Variants in PKP1 observed in about 807,000 individuals in gnomAD.
The protein encoded by PKP1 is plakophilin 1, also known as plakophilin-1.
PKP1 carries 27 observed loss-of-function variants against 76.4 expected under a neutral mutation model. The ratio of observed to expected loss-of-function variants is 0.35; its 90% CI spans 0.26 to 0.49. The LOEUF is 0.49. Ranked by LOEUF, PKP1 falls within the 20% of genes least tolerant of loss-of-function variation. PKP1 has a pLI of 0.99. For missense variants in PKP1, 964 were observed against 955.2 expected (o/e 1.01, Z -0.12); for synonymous variants, 404 against 384.2 (o/e 1.05, Z -0.60).
Position 201,332,680 on chromosome 1 carries a change from G to T in PKP1, c.*2639G>T, listed in dbSNP as rs906047941. 6.6e-6 allele frequency: 1 copy of T among 152,234 alleles called. No individual in the cohort carries two copies. The highest frequency in any genetic ancestry group is 2.4e-5 in the African/African-American group (1 of 41,436). 9.4% of individuals were successfully genotyped at this position (152,234 alleles called of 1,614,324 possible). On this transcript the variant is annotated 3_prime_UTR_variant, in exon 14 of 14. Transcript: ENST00000367324. ...GGCCACCAGCCACCTCTGCAGTGGG[G>T]ACCACACTAGCAGCCCTGACTCCAC...
At chr1:201,284,884 C>T (rs1655683979) in intron 1 of PKP1, among the ~76,000 whole-genome samples, 2 of 152,084 alleles carry the variant, frequency 1.3e-5, no homozygotes, top group Non-Finnish European at 2.9e-5. Context: ...GAGGCCAGAT[C>T]CCATGACTGG....
chr1:201,301,180 C>A (rs1273067850), intron 2 of PKP1, among the ~76,000 whole-genome samples: 1 of 152,110 alleles, frequency 6.6e-6, no homozygotes, highest in African/African-American at 2.4e-5. Flanking sequence ...AGTGTGGACC[C>A]TTGTAGAGGA....
chr1:201,306,604 T>C (rs1571549316), intron 2 of PKP1, among the ~76,000 whole-genome samples: 2 of 152,378 alleles, frequency 1.3e-5, no homozygotes, highest in East Asian at 3.9e-4. Context: ...TTTCAAAGCT[T>C]ATAAGGGATA....
At chr1:201,290,244 T>C (rs1298759237) in intron 1 of PKP1, among the ~76,000 whole-genome samples, 1 of 152,044 alleles carries the variant, frequency 6.6e-6, no homozygotes, top group Admixed American at 6.5e-5. Flanking sequence ...GTTGTGTTGC[T>C]TGTATACCTG....
At chr1:201,318,458 C>T (rs1455347162) in intron 5 of PKP1, among the ~76,000 whole-genome samples, 160 bp from the exon 6 acceptor site, 2 of 152,186 alleles carry the variant, frequency 1.3e-5, no homozygotes, top group Non-Finnish European at 2.9e-5. Context: ...GAGAAATAGC[C>T]TCATGACACA....
intron 9 of PKP1, 84 bp downstream of exon 9, chr1:201,323,273 C>A: frequency 2.2e-6 from 3 of 1,351,234 alleles, no homozygotes; most frequent in Non-Finnish European, 3.2e-6. Context: ...TTCCCCCCAG[C>A]CTGTCCCCTG....
In PKP1 at chr1:201,313,150, C is replaced by T. The variant is rs1434378700; in HGVS notation, c.307-16C>T. 1.9e-6 allele frequency: 3 copies of T among 1,609,000 alleles called. No individual in the cohort carries two copies. The East Asian group carries it at 6.7e-5, about 36-fold the overall frequency. On this transcript the variant is annotated splice_polypyrimidine_tract_variant and intron_variant, in intron 2 of 13. Transcript: ENST00000367324. ...TTAGGAACCTTGACTGAGCTTTTCT[C>T]CCTTTCCCTGGCCAGATCTACAATG...
At chr1:201,310,077 G>A (rs924258355) in intron 2 of PKP1, among the ~76,000 whole-genome samples, 1 of 152,094 alleles carries the variant, frequency 6.6e-6, no homozygotes, top group Non-Finnish European at 1.5e-5. Flanking sequence ...TGGCTTCCTG[G>A]GTTCATCCTC....
chr1:201,319,708 TG>T (rs894858519), intron 6 of PKP1: 3 of 1,095,988 alleles, frequency 2.7e-6, no homozygotes, highest in South Asian at 1.2e-5. Flanking sequence ...AGCCTACTGC[TG>T]GGGGCAGAAC....
chr1:201,313,824 A>G (rs1051343982), intron 3 of PKP1, among the ~76,000 whole-genome samples: 3 of 152,254 alleles, frequency 2.0e-5, no homozygotes, highest in Non-Finnish European at 4.4e-5. Context: ...ATGAACAGAA[A>G]GAGGCTAATA....
chr1:201,288,272 G>T (rs1655796514), intron 1 of PKP1, among the ~76,000 whole-genome samples: 1 of 152,150 alleles, frequency 6.6e-6, no homozygotes, highest in Non-Finnish European at 1.5e-5. Flanking sequence ...CAAACCATTT[G>T]CCCAGACCGC....
At chr1:201,285,270 C>T (rs1655696992) in intron 1 of PKP1, among the ~76,000 whole-genome samples, 2 of 148,702 alleles carry the variant, frequency 1.3e-5, no homozygotes, top group Admixed American at 1.3e-4. Context: ...ACACACCTCA[C>T]ACTTCCTTCT....
chr1:201,312,027 G>A (rs575218260), intron 2 of PKP1, among the ~76,000 whole-genome samples: 2 of 152,266 alleles, frequency 1.3e-5, no homozygotes, highest in South Asian at 4.1e-4. Context: ...ATGTTTTTGT[G>A]CCGGATTGAG....
chr1:201,302,565 C>T (rs745612034), intron 2 of PKP1, among the ~76,000 whole-genome samples: 27 of 152,296 alleles, frequency 1.8e-4, no homozygotes, highest in Non-Finnish European at 3.7e-4. Flanking sequence ...GTGGAAGAGC[C>T]GTCCCCACCC....
chr1:201,318,562 G>A, intron 5 of PKP1, 56 bp from the exon 6 acceptor site: 1 of 1,532,810 alleles, frequency 6.5e-7, no homozygotes, highest in Non-Finnish European at 9.0e-7. Context: ...TGTTACCTCG[G>A]TCCCTAGGGC....
chr1:201,325,095 G>T lies in PKP1; in HGVS notation c.1989G>T (p.Met663Ile). 1 of 1,613,936 alleles carries T rather than the reference G, an allele frequency of 6.2e-7. No individual in the cohort carries two copies. The highest frequency in any genetic ancestry group is 1.7e-4 in the Middle Eastern group (1 of 6,060). ...CCAAGCAGTACTTCTCCAGCAGCATGCTCAACAACATCATCAACCTGTGCC... is the reference window on the plus strand; with the variant it reads ...CCAAGCAGTACTTCTCCAGCAGCATTCTCAACAACATCATCAACCTGTGCC... ...QLAKQYFSSSMLNNIINLCRS... is the reference protein window; with the variant it reads ...QLAKQYFSSSILNNIINLCRS... Residue 663 changes from methionine to isoleucine, a missense_variant, in exon 11 of 14, where the codon ATG becomes ATT. By Grantham distance (10) the Met-to-Ile change is conservative (BLOSUM62 1). Coordinates refer to ENST00000367324, the MANE Select transcript of PKP1 (RefSeq NM_001005337.3).
chr1:201,291,589 G>T (rs1655919142), intron 1 of PKP1, among the ~76,000 whole-genome samples: 1 of 152,198 alleles, frequency 6.6e-6, no homozygotes, highest in South Asian at 2.1e-4. Context: ...AGGCCCTGGT[G>T]CAAGCCCCCC....
chr1:201,288,150 C>T (rs1272374092), intron 1 of PKP1, among the ~76,000 whole-genome samples: 3 of 152,150 alleles, frequency 2.0e-5, no homozygotes, highest in Non-Finnish European at 2.9e-5. Context: ...TTGGACAAGT[C>T]GCTGCCTCTC....
Position 201,313,235 on chromosome 1 carries a change from T to C in PKP1, c.376T>C (p.Trp126Arg). The C allele has an allele frequency of 2.5e-6, 4 of 1,604,704 alleles. No homozygotes were observed. The highest frequency in any genetic ancestry group is 3.4e-6 in the Non-Finnish European group (4 of 1,176,084). Reference sequence around the variant, plus strand: ...CAGCTCCTACAGCCAGATGGAGAACTGGAGCCGGCACTACCCCCGGGGCAG... The same window carrying C: ...CAGCTCCTACAGCCAGATGGAGAACCGGAGCCGGCACTACCCCCGGGGCAG... ...RFSSYSQMENWSRHYPRGSCN... is the reference protein window; with the variant it reads ...RFSSYSQMENRSRHYPRGSCN... Residue 126 changes from tryptophan to arginine, a missense_variant, in exon 3 of 14, where the codon TGG (tryptophan) becomes CGG (arginine). Transcript: ENST00000367324.
Sources: allele counts gnomAD v4.1 joint callset (sites outside exome capture counted in the v4.1 genomes callset), GRCh38; gene constraint gnomAD v4.1.1; transcripts MANE v1.5; gene names NCBI Gene and HGNC (gene_info 2026-07-23, HGNC 2026-07-21).